TMEM232: variants seen among roughly 807,000 people sequenced by gnomAD.
The protein encoded by TMEM232 is transmembrane protein 232.
A neutral mutation model predicts 78.8 loss-of-function variants in TMEM232; 80 were observed. The ratio of observed to expected loss-of-function variants is 1.01; its 90% CI spans 0.85 to 1.22. The LOEUF (loss-of-function observed/expected upper bound fraction) is 1.22, where lower values mean the gene tolerates loss of function less well. TMEM232 is among the 50% of genes most tolerant of loss of function. The pLI, the probability that TMEM232 is intolerant of heterozygous loss-of-function variation, is 0.00. For synonymous variants in TMEM232, 297 were observed against 254.3 expected (o/e 1.17, Z -1.60); for missense variants, 881 against 742.2 (o/e 1.19, Z -2.17).
intron 12 of TMEM232, among the ~76,000 whole-genome samples, chr5:110,528,138 T>C (rs1028325492): frequency 6.6e-6 from 1 of 151,886 alleles, no homozygotes; most frequent in Non-Finnish European, 1.5e-5. Context: ...CCGGAGTCCT[T>C]TGAAATAAAT....
chr5:110,587,128 A>T (rs1010803210), intron 10 of TMEM232, among the ~76,000 whole-genome samples: 3 of 152,128 alleles, frequency 2.0e-5, no homozygotes, highest in Admixed American at 1.3e-4. Context: ...GAAGTTATCA[A>T]TTATTTTAGC....
intron 1 of TMEM232, among the ~76,000 whole-genome samples, chr5:110,697,568 C>G (rs946716809): frequency 1.1e-4 from 16 of 152,228 alleles, no homozygotes; most frequent in Admixed American, 7.8e-4. Context: ...GGGCTAATAT[C>G]CAGAATCTAC....
chr5:110,547,165 T>G (rs1773879388), intron 11 of TMEM232, among the ~76,000 whole-genome samples: 1 of 152,170 alleles, frequency 6.6e-6, no homozygotes, highest in Non-Finnish European at 1.5e-5. Flanking sequence ...GGTGATCATT[T>G]TGTCTTGTTT....
chr5:110,705,798 T>C (rs1300669488), intron 1 of TMEM232, among the ~76,000 whole-genome samples: 1 of 136,252 alleles, frequency 7.3e-6, no homozygotes, highest in East Asian at 2.0e-4. Context: ...GTGTATAAAA[T>C]ACTTCAATTT....
At chr5:110,435,317 T>G in intron 12 of TMEM232, among the ~76,000 whole-genome samples, 1 of 151,896 alleles carries the variant, frequency 6.6e-6, no homozygotes, top group South Asian at 2.1e-4. Flanking sequence ...TGTTTAAATG[T>G]TACTTTTCTA....
At chr5:110,657,384 A>AGTGTGTGTGTGT (rs56213934) in intron 2 of TMEM232, among the ~76,000 whole-genome samples, 3 of 149,312 alleles carry the variant, frequency 2.0e-5, no homozygotes, top group East Asian at 2.0e-4. Context: ...TATCTATCTG[A>AGTGTGTGTGTGT]GTGTGTGTGT....
At chr5:110,715,354 T>C (rs1796907740) in intron 1 of TMEM232, among the ~76,000 whole-genome samples, 1 of 152,000 alleles carries the variant, frequency 6.6e-6, no homozygotes, top group Non-Finnish European at 1.5e-5. Context: ...AGCAAAAGTA[T>C]AGAGACTAAA....
intron 12 of TMEM232, among the ~76,000 whole-genome samples, chr5:110,486,753 C>T (rs1445292673): frequency 3.3e-5 from 5 of 152,036 alleles, no homozygotes; most frequent in Non-Finnish European, 5.9e-5. Context: ...TAGTGTGATG[C>T]CTCCAGATTT....
intron 1 of TMEM232, among the ~76,000 whole-genome samples, chr5:110,704,162 T>G (rs2150286409): frequency 6.6e-6 from 1 of 152,204 alleles, no homozygotes; most frequent in Middle Eastern, 3.4e-3. Flanking sequence ...TTAAGTATCA[T>G]GATCACTAGA....
intron 2 of TMEM232, among the ~76,000 whole-genome samples, chr5:110,643,433 A>G (rs769566898): frequency 3.9e-5 from 6 of 152,070 alleles, no homozygotes; most frequent in Non-Finnish European, 7.4e-5. Flanking sequence ...GGGAAAATGT[A>G]GAGAGAGTAT....
At chr5:110,649,116 C>T (rs1787933228) in intron 2 of TMEM232, among the ~76,000 whole-genome samples, 1 of 152,026 alleles carries the variant, frequency 6.6e-6, no homozygotes, top group Non-Finnish European at 1.5e-5. Flanking sequence ...AAAAATTAAA[C>T]AAACTGCAAC....
At chr5:110,480,529 A>C (rs899040168) in intron 12 of TMEM232, among the ~76,000 whole-genome samples, 2 of 152,104 alleles carry the variant, frequency 1.3e-5, no homozygotes, top group African/African-American at 4.8e-5. Context: ...AGATTGCTTG[A>C]GAAAGGATTC....
At chr5:110,538,693 T>G (rs1185127526) in intron 11 of TMEM232, among the ~76,000 whole-genome samples, 1 of 152,276 alleles carries the variant, frequency 6.6e-6, no homozygotes, top group South Asian at 2.1e-4. Flanking sequence ...AAGCAGGAAT[T>G]AGATGAAGAC....
chr5:110,453,377 C>T (rs1345581985), intron 12 of TMEM232, among the ~76,000 whole-genome samples: 1 of 152,106 alleles, frequency 6.6e-6, no homozygotes, highest in African/African-American at 2.4e-5. Context: ...TCTTGGCTCA[C>T]TGCAACCTCT....
intron 8 of TMEM232, among the ~76,000 whole-genome samples, chr5:110,612,805 T>C (rs941682213): frequency 5.3e-5 from 8 of 152,222 alleles, no homozygotes; most frequent in African/African-American, 1.9e-4. Flanking sequence ...GCAGTCTTCA[T>C]TGGCTAATAA....
At chr5:110,428,716 C>T (rs7735155) in intron 12 of TMEM232, among the ~76,000 whole-genome samples, 13,923 of 151,234 alleles carry the variant, frequency 0.092, 816 homozygotes, top group South Asian at 0.17. Flanking sequence ...GAATAAACTC[C>T]TCTTTGGCTG....
At chr5:110,446,300 T>C (rs1307064213) in intron 12 of TMEM232, among the ~76,000 whole-genome samples, 1 of 152,202 alleles carries the variant, frequency 6.6e-6, no homozygotes, top group Non-Finnish European at 1.5e-5. Context: ...ACATACTTGC[T>C]GTCTTTGAAG....
chr5:110,402,266 A>G lies in TMEM232; in HGVS notation n.309-4412T>C, dbSNP rs1054924821. ...TACTGATCCATCATTTTTTCTGCAA[A>G]GAAGATTGCTGTTGTTGCTTAAGAT... On this transcript the variant is annotated intron_variant and non_coding_transcript_variant, in intron 2 of 8. Coordinates refer to the TMEM232 transcript ENST00000507188. Among the ~76,000 whole-genome samples, 9 of 152,210 alleles carry G rather than the reference A, an allele frequency of 5.9e-5. 1 individual carries two copies. The highest frequency in any genetic ancestry group is 2.6e-4 in the Admixed American group (4 of 15,248).
intron 3 of TMEM232, among the ~76,000 whole-genome samples, chr5:110,396,956 C>G (rs1755412167): frequency 6.6e-6 from 1 of 152,114 alleles, no homozygotes; most frequent in African/African-American, 2.4e-5. Context: ...CCTCTGATAA[C>G]TAGGAAGAGG....
Sources: gnomAD v4.1 joint callset for allele counts (sites outside exome capture counted in the v4.1 genomes callset) on GRCh38, gnomAD v4.1.1 for gene constraint, MANE v1.5 for transcripts, NCBI Gene and HGNC (gene_info 2026-07-23, HGNC 2026-07-21) for gene names.